The following ADIPOR2 variants were observed in gnomAD, a reference collection of about 807,000 sequenced individuals.
ADIPOR2 encodes the protein adiponectin receptor protein 2.
In ADIPOR2, 18 loss-of-function variants were observed where a neutral mutation model predicts 40.9. That is an observed-to-expected ratio of 0.44 (90% confidence interval 0.30 to 0.65). The LOEUF (loss-of-function observed/expected upper bound fraction) is 0.65. ADIPOR2 is among the 30% of genes least tolerant of loss of function. ADIPOR2 has a pLI of 0.09. For missense variants in ADIPOR2, 283 were observed against 479.2 expected (o/e 0.59, Z 3.82); for synonymous variants, 165 against 166.4 (o/e 0.99, Z 0.06).
At chr12:1,759,625 A>G (rs1390410447) in intron 2 of ADIPOR2, among the ~76,000 whole-genome samples, 1 of 152,244 alleles carries the variant, frequency 6.6e-6, no homozygotes, top group Non-Finnish European at 1.5e-5. Context: ...TGCCCTTTAT[A>G]GAAAACTACA....
At chr12:1,768,673 C>G (rs1862433215) in intron 2 of ADIPOR2, among the ~76,000 whole-genome samples, 1 of 152,144 alleles carries the variant, frequency 6.6e-6, no homozygotes, top group Non-Finnish European at 1.5e-5. Context: ...ATCTTTATCA[C>G]TATGGTTCTC....
rs76774559 is a variant in ADIPOR2, at chr12:1,731,652, G to T, written c.-86-22606G>T. 4.0e-3 allele frequency among the ~76,000 whole-genome samples: 611 copies of T among 152,218 alleles called. 26 individuals are homozygous for T. The East Asian group carries it at 0.095, about 24-fold the overall frequency. ...TATTTCACATAGCGTACATGTTATA[G>T]CATATATCAAAATTTTATTCCTTTT... On this transcript the variant is annotated intron_variant, in intron 1 of 7. Coordinates refer to ENST00000357103, the MANE Select transcript of ADIPOR2 (RefSeq NM_024551.3).
chr12:1,757,201 A>C (rs1592615946), intron 2 of ADIPOR2: 1 of 413,002 alleles, frequency 2.4e-6, no homozygotes, highest in East Asian at 4.3e-5. Flanking sequence ...AATTACGTAC[A>C]AAGATCTAAC....
At chr12:1,762,048 C>A (rs1275265136) in intron 2 of ADIPOR2, among the ~76,000 whole-genome samples, 1 of 152,192 alleles carries the variant, frequency 6.6e-6, no homozygotes, top group African/African-American at 2.4e-5. Context: ...GCTGCAGCCG[C>A]ATTGGCCTTA....
chr12:1,704,561 C>T (rs2094658222), intron 1 of ADIPOR2, among the ~76,000 whole-genome samples: 2 of 152,318 alleles, frequency 1.3e-5, no homozygotes, highest in South Asian at 4.1e-4. Flanking sequence ...TGATTGATAT[C>T]TTGTTCTAAA....
At chr12:1,746,992 G>A (rs1006766920) in intron 1 of ADIPOR2, among the ~76,000 whole-genome samples, 1 of 151,938 alleles carries the variant, frequency 6.6e-6, no homozygotes. Context: ...CTGTGATCAT[G>A]TCCTTGCACT....
At chr12:1,710,061 A>G (rs375138072) in intron 1 of ADIPOR2, among the ~76,000 whole-genome samples, 39 of 152,338 alleles carry the variant, frequency 2.6e-4, no homozygotes, top group Non-Finnish European at 1.6e-4. Flanking sequence ...AAATGCGCCA[A>G]TCAGCACTCT....
chr12:1,711,116 G>A lies in ADIPOR2; in HGVS notation c.-87+19925G>A, dbSNP rs140840958. Among the ~76,000 whole-genome samples the A allele has an allele frequency of 1.3e-5, 2 of 152,258 alleles. 1 individual carries two copies. Among genetic ancestry groups the A allele is most frequent in the African/African-American group, 4.8e-5 (2 of 41,502 alleles). ...AGCAACATTCTTCCCCTAAGAAGGT[G>A]CATAGTCCTCCTTTCTCAGCAGTGA... is the stretch of plus-strand genomic sequence containing the variant. On this transcript the variant is annotated intron_variant, in intron 1 of 7. Coordinates refer to ENST00000357103, the MANE Select transcript of ADIPOR2 (RefSeq NM_024551.3).
chr12:1,749,832 GTTTTTT>G (rs57852014), intron 1 of ADIPOR2, among the ~76,000 whole-genome samples: 1 of 119,236 alleles, frequency 8.4e-6, no homozygotes. Flanking sequence ...TATTTGTTTA[GTTTTTT>G]TTTTTTTTTT....
intron 2 of ADIPOR2, among the ~76,000 whole-genome samples, chr12:1,755,309 C>G (rs536488605): frequency 6.6e-6 from 1 of 152,032 alleles, no homozygotes; most frequent in Non-Finnish European, 1.5e-5. Flanking sequence ...CCATCTCAAC[C>G]TCCTTATCCA....
At chr12:1,781,181 T>C (rs1448084902) in intron 6 of ADIPOR2, 105 bp downstream of exon 6, 1 of 1,217,138 alleles carries the variant, frequency 8.2e-7, no homozygotes, top group South Asian at 1.8e-5. Context: ...TGTGTATTTG[T>C]GATGCCAAGA....
intron 1 of ADIPOR2, among the ~76,000 whole-genome samples, chr12:1,714,518 G>A (rs558309943): frequency 7.9e-5 from 12 of 152,036 alleles, no homozygotes; most frequent in Admixed American, 2.0e-4. Flanking sequence ...CGAGGAAGGC[G>A]GTAGGATTTT....
chr12:1,700,170 A>G (rs1397978453), intron 1 of ADIPOR2, among the ~76,000 whole-genome samples: 1 of 152,206 alleles, frequency 6.6e-6, no homozygotes, highest in East Asian at 1.9e-4. Context: ...ACAAAACACA[A>G]AGCATATGGT....
Position 1,711,337 on chromosome 12 carries a change from G to A in ADIPOR2, c.-87+20146G>A, listed in dbSNP as rs550529055. On this transcript the variant is annotated intron_variant, in intron 1 of 7. Coordinates refer to ENST00000357103, the MANE Select transcript of ADIPOR2 (RefSeq NM_024551.3). ...GCAGTGGCCATTCCTAACCCTATAAGTAGGGGTATTAGTTGTATGGCCCTG... is the reference window on the plus strand; with the variant it reads ...GCAGTGGCCATTCCTAACCCTATAAATAGGGGTATTAGTTGTATGGCCCTG... 1.3e-4 allele frequency among the ~76,000 whole-genome samples: 20 copies of A among 152,210 alleles called. No individual in the cohort carries two copies. The South Asian group carries it at 2.5e-3, about 19-fold the overall frequency.
intron 2 of ADIPOR2, among the ~76,000 whole-genome samples, chr12:1,763,661 A>G (rs892662214): frequency 6.6e-6 from 1 of 152,194 alleles, no homozygotes; most frequent in Non-Finnish European, 1.5e-5. Flanking sequence ...TCACTTGAAC[A>G]TGTTTATTCT....
Position 1,787,310 on chromosome 12 carries a change from T to C in ADIPOR2, c.*1238T>C, listed in dbSNP as rs2154444674. 6.6e-6 allele frequency: 1 copy of C among 152,364 alleles called. No individual in the cohort carries two copies. The highest frequency in any genetic ancestry group is 1.5e-5 in the Non-Finnish European group (1 of 68,036). The allele number at this position is 152,364 out of a possible 1,614,324, so 9.4% of individuals were successfully genotyped here. On this transcript the variant is annotated 3_prime_UTR_variant, in exon 8 of 8. Transcript: ENST00000357103. ...TAGGAAAGATGAGTTTTACCTCTGG[T>C]ACACTGTCTTGGTAAGCCTGGATGT...
chr12:1,721,205 CTTTTTTTTTTTTTTT>C (rs59268943), intron 1 of ADIPOR2, among the ~76,000 whole-genome samples: 25 of 58,214 alleles, frequency 4.3e-4, no homozygotes, highest in East Asian at 2.5e-3. Flanking sequence ...ATAAAATAAA[CTTTTTTTTTTTTTTT>C]TTTTTTTTTT....
chr12:1,745,835 A>T (rs1405092949), intron 1 of ADIPOR2, among the ~76,000 whole-genome samples: 1 of 151,992 alleles, frequency 6.6e-6, no homozygotes, highest in Non-Finnish European at 1.5e-5. Context: ...TCTTGTTCAG[A>T]TGTGTTATAA....
intron 4 of ADIPOR2, chr12:1,778,316 A>C: frequency 4.2e-6 from 1 of 238,284 alleles, no homozygotes; most frequent in East Asian, 1.1e-4. Context: ...TGTAGTGACC[A>C]CTGAGAAGAA....
Sources: gnomAD v4.1 joint callset for allele counts (sites outside exome capture counted in the v4.1 genomes callset) on GRCh38, gnomAD v4.1.1 for gene constraint, MANE v1.5 for transcripts, NCBI Gene and HGNC (gene_info 2026-07-23, HGNC 2026-07-21) for gene names.